Variants in PXDNL observed in about 807,000 individuals in gnomAD.
PXDNL encodes the protein probable oxidoreductase PXDNL.
Under a neutral mutation model 150.8 loss-of-function variants are expected in PXDNL, and 145 were observed. The observed-to-expected ratio is 0.96, with a 90% CI of 0.84 to 1.10. The LOEUF (loss-of-function observed/expected upper bound fraction) is 1.10, where lower values mean the gene tolerates loss of function less well. Among genes scored for constraint, PXDNL ranks in the 50% least tolerant of loss-of-function variants. PXDNL has a pLI of 0.00. For missense variants in PXDNL, 2,087 were observed against 1,873.9 expected (o/e 1.11, Z -2.10); for synonymous variants, 757 against 725.7 (o/e 1.04, Z -0.69).
At chr8:51,621,474 G>A (rs924732943) in intron 2 of PXDNL, among the ~76,000 whole-genome samples, 2 of 151,572 alleles carry the variant, frequency 1.3e-5, no homozygotes, top group African/African-American at 2.4e-5. Context: ...GTGTGTGTGT[G>A]TGTGTGTGTG....
At chr8:51,588,202 A>G (rs1318992725) in intron 3 of PXDNL, among the ~76,000 whole-genome samples, 1 of 152,216 alleles carries the variant, frequency 6.6e-6, no homozygotes, top group Non-Finnish European at 1.5e-5. Context: ...AAGTATAAAG[A>G]GCAAAGAAAA....
intron 3 of PXDNL, among the ~76,000 whole-genome samples, chr8:51,580,724 C>T (rs574677264): frequency 8.5e-5 from 13 of 152,188 alleles, no homozygotes; most frequent in African/African-American, 2.9e-4. Context: ...TAGCTTATCA[C>T]TTTGTAGAAT....
At chr8:51,456,968 A>G (rs2129994929) in intron 9 of PXDNL, among the ~76,000 whole-genome samples, 1 of 152,326 alleles carries the variant, frequency 6.6e-6, no homozygotes, top group Admixed American at 6.5e-5. Context: ...AAGGTGAGAG[A>G]CAATGTATTT....
intron 4 of PXDNL, among the ~76,000 whole-genome samples, chr8:51,538,779 A>T (rs77399380): frequency 0.1 from 15,220 of 152,142 alleles, 1,165 homozygotes; most frequent in African/African-American, 0.21. Flanking sequence ...ATAAATAAAT[A>T]AATTAATTAA....
chr8:51,730,312 C>A (rs1311320872), intron 1 of PXDNL, among the ~76,000 whole-genome samples: 7 of 152,194 alleles, frequency 4.6e-5, no homozygotes, highest in Admixed American at 3.3e-4. Context: ...AATCAAATAA[C>A]CTTTTCTGAA....
chr8:51,786,539 C>A (rs1179245229), intron 1 of PXDNL, among the ~76,000 whole-genome samples: 1 of 152,070 alleles, frequency 6.6e-6, no homozygotes, highest in Non-Finnish European at 1.5e-5. Flanking sequence ...ATCCTCACCC[C>A]CACCCCCATG....
intron 9 of PXDNL, among the ~76,000 whole-genome samples, chr8:51,455,581 G>A (rs1809921929): frequency 6.6e-6 from 1 of 152,040 alleles, no homozygotes; most frequent in Non-Finnish European, 1.5e-5. Flanking sequence ...AGCGCTATAA[G>A]GAACACCACA....
At chr8:51,346,555 C>G (rs184146701) in intron 19 of PXDNL, among the ~76,000 whole-genome samples, 29 of 152,212 alleles carry the variant, frequency 1.9e-4, no homozygotes, top group African/African-American at 6.0e-4. Context: ...TACGGATATC[C>G]CCCTCAAACC....
intron 1 of PXDNL, among the ~76,000 whole-genome samples, chr8:51,783,516 G>A (rs1200266329): frequency 6.6e-6 from 1 of 152,154 alleles, no homozygotes; most frequent in East Asian, 1.9e-4. Context: ...GTTCACCCCA[G>A]CAGTATAGGA....
intron 19 of PXDNL, among the ~76,000 whole-genome samples, chr8:51,348,411 A>G (rs1259782130): frequency 6.6e-6 from 1 of 152,214 alleles, no homozygotes; most frequent in Non-Finnish European, 1.5e-5. Context: ...GACTGCAGTG[A>G]CATGGCAGGT....
intron 4 of PXDNL, among the ~76,000 whole-genome samples, chr8:51,548,988 A>C (rs1480466192): frequency 1.3e-5 from 2 of 152,192 alleles, no homozygotes; most frequent in African/African-American, 4.8e-5. Flanking sequence ...GGGAAAAGGG[A>C]TTTCATGCAA....
chr8:51,465,911 A>T (rs1186665857), intron 8 of PXDNL, among the ~76,000 whole-genome samples: 1 of 152,126 alleles, frequency 6.6e-6, no homozygotes, highest in Admixed American at 6.5e-5. Flanking sequence ...ACCAATAAAT[A>T]AGAAAGCATT....
At position 51,472,212 on chromosome 8, in the gene PXDNL, G is replaced by T. The variant is rs751108260; in HGVS notation, c.787C>A (p.Pro263Thr). ...FTCRAEGNPKPEIIWIHNNHS... is the reference protein window; with the variant it reads ...FTCRAEGNPKTEIIWIHNNHS... ...TTGTTGTGTATCCAAATAATCTCAG[G>T]TTTGGGGTTTCCTTCCGCCCGGCAG... The change falls in exon 8 of 23, where the codon CCT becomes ACT. Residue 263 changes from proline (P) to threonine (T), a missense_variant. Coordinates refer to ENST00000356297, the MANE Select transcript of PXDNL (RefSeq NM_144651.5). 1 of 1,612,810 alleles carries T rather than the reference G, an allele frequency of 6.2e-7. No homozygotes were observed. Among genetic ancestry groups the T allele is most frequent in the East Asian group, 2.2e-5 (1 of 44,860 alleles).
chr8:51,440,047 A>ATATATG (rs544964849), intron 12 of PXDNL, among the ~76,000 whole-genome samples: 57 of 151,940 alleles, frequency 3.8e-4, no homozygotes, highest in Admixed American at 2.2e-3. Context: ...ATACATATAT[A>ATATATG]TATATGTATA....
intron 1 of PXDNL, among the ~76,000 whole-genome samples, chr8:51,755,991 C>T (rs192480025): frequency 1.1e-4 from 17 of 152,254 alleles, no homozygotes; most frequent in Admixed American, 9.8e-4. Flanking sequence ...ATTCTAAGGA[C>T]AGGTTGCAAA....
chr8:51,581,493 C>CTAAATAAATAAATAAATAAATAAATAAA (rs549807763), intron 3 of PXDNL, among the ~76,000 whole-genome samples: 14 of 143,874 alleles, frequency 9.7e-5, no homozygotes, highest in African/African-American at 3.2e-4. Flanking sequence ...GACCCTGTCT[C>CTAAATAAATAAATAAATAAATAAATAAA]TAAATAAATA....
At chr8:51,629,907 T>G (rs6473631) in intron 2 of PXDNL, among the ~76,000 whole-genome samples, 120,786 of 152,082 alleles carry the variant, frequency 0.79, 48,063 homozygotes, top group East Asian at 0.87. Context: ...AAACTACAAA[T>G]GACATTTTTC....
chr8:51,717,023 C>A lies in PXDNL; in HGVS notation c.165-62263G>T, dbSNP rs186299942. 2.0e-3 allele frequency among the ~76,000 whole-genome samples: 311 copies of A among 152,246 alleles called. 2 individuals carry two copies. The highest frequency in any genetic ancestry group is 3.4e-3 in the Admixed American group (52 of 15,302). On this transcript the variant is annotated intron_variant, in intron 1 of 22. Coordinates refer to ENST00000356297, the MANE Select transcript of PXDNL (RefSeq NM_144651.5). ...ATGAACTATTTGCACCATACAAGAC[C>A]AGAGGAGGTTGTCTAGGTGGCTGTA... is the stretch of plus-strand genomic sequence containing the variant.
chr8:51,583,765 T>C (rs1470737968), intron 3 of PXDNL, among the ~76,000 whole-genome samples: 1 of 152,108 alleles, frequency 6.6e-6, no homozygotes, highest in African/African-American at 2.4e-5. Context: ...ATTAGATAGA[T>C]AGACTGTTGG....
Sources: allele counts gnomAD v4.1 joint callset (sites outside exome capture counted in the v4.1 genomes callset), GRCh38; gene constraint gnomAD v4.1.1; transcripts MANE v1.5; gene names NCBI Gene and HGNC (gene_info 2026-07-23, HGNC 2026-07-21).